The following HERC6 variants were observed in gnomAD, a reference collection of about 807,000 sequenced individuals.
The protein encoded by HERC6 is HECT and RLD domain containing E3 ubiquitin protein ligase family member 6.
Under a neutral mutation model 114.5 loss-of-function variants are expected in HERC6, and 101 were observed. The ratio of observed to expected loss-of-function variants is 0.88; its 90% confidence interval spans 0.75 to 1.04. HERC6 has a LOEUF of 1.04. HERC6 is among the 50% of genes least tolerant of loss of function. The pLI is 0.00. For synonymous variants in HERC6, 408 were observed against 436.2 expected, an observed-to-expected ratio of 0.94 and a Z score of 0.81; for missense variants, 1,133 against 1,230.9, an observed-to-expected ratio of 0.92 and a Z score of 1.19.
At chr4:88,380,607 C>T (rs1734267096) in intron 1 of HERC6, among the ~76,000 whole-genome samples, 1 of 148,044 alleles carries the variant, frequency 6.8e-6, no homozygotes, top group Admixed American at 6.9e-5. Flanking sequence ...GTCCCAGCTA[C>T]TTGGGAGGCT....
In HERC6 at chr4:88,385,455, G is replaced by A. The variant is rs1175271644; in HGVS notation, c.360-44G>A. 7.6e-6 allele frequency: 7 copies of A among 922,620 alleles called. 1 individual carries two copies. Among genetic ancestry groups the A allele is most frequent in the Middle Eastern group, 5.1e-4 (2 of 3,932 alleles). 57.2% of individuals were successfully genotyped at this position (922,620 alleles called of 1,614,324 possible). ...ATATCTGTAGTCCACCGGACAACTC[G>A]CTCTAAATAAGGATTAATCAATTTT... On this transcript the variant is annotated intron_variant, in intron 2 of 22. Coordinates refer to ENST00000264346, the MANE Select transcript of HERC6 (RefSeq NM_017912.4).
chr4:88,380,364 A>AATATATAAATATATATATAT, intron 1 of HERC6, among the ~76,000 whole-genome samples: 1 of 29,246 alleles, frequency 3.4e-5, no homozygotes, highest in South Asian at 9.4e-4. Flanking sequence ...ATATATATAT[A>AATATATAAATATATATATAT]ATATATAAAT....
chr4:88,391,766 C>T (rs1241731383), intron 4 of HERC6, among the ~76,000 whole-genome samples: 2 of 152,164 alleles, frequency 1.3e-5, no homozygotes, highest in Non-Finnish European at 1.5e-5. Context: ...ACACAAAACT[C>T]GTCAAGATGT....
rs116022157 is a variant in HERC6, at chr4:88,379,186, C to A, written c.199+66C>A. 847 of 1,285,638 alleles carry A rather than the reference C, an allele frequency of 6.6e-4. 6 individuals carry two copies. The African/African-American group carries it at 0.012, about 18-fold the overall frequency. The allele number at this position is 1,285,638 out of a possible 1,614,324, so 79.6% of individuals were successfully genotyped here. A position where few individuals can be genotyped will look rare whatever the true frequency, so the allele number is the denominator to read the frequency against. ...TACATGGGCGCGGGGGCTTGGGTACCGGGCGCAGGGAACCGGGTGCGGAGC... is the reference window on the plus strand; with the variant it reads ...TACATGGGCGCGGGGGCTTGGGTACAGGGCGCAGGGAACCGGGTGCGGAGC... On this transcript the variant is annotated intron_variant, in intron 1 of 22. Coordinates refer to ENST00000264346, the MANE Select transcript of HERC6 (RefSeq NM_017912.4).
chr4:88,440,409 A>T, intron 22 of HERC6, 159 bp downstream of exon 22: 1 of 599,462 alleles, frequency 1.7e-6, no homozygotes. Flanking sequence ...ACACACACAA[A>T]GGGTGAGGTA....
In HERC6 at chr4:88,435,769, T is replaced by C; in HGVS notation, c.2295T>C (p.Cys765=). ...KKRYFLFGML[C]GLSLFNLNVA... is the part of the protein sequence containing the mutation. ...GATATTTCCTCTTTGGAATGCTGTG[T>C]GGACTCTCCTTATTCAATTTAAATG... The change falls in exon 18 of 23, where the codon TGT becomes TGC. Residue 765 remains cysteine, a synonymous_variant. Coordinates refer to ENST00000264346, the MANE Select transcript of HERC6 (RefSeq NM_017912.4). The C allele has an allele frequency of 6.2e-7, 1 of 1,606,548 alleles. No individual in the cohort carries two copies. The highest frequency in any genetic ancestry group is 8.5e-7 in the Non-Finnish European group (1 of 1,175,920).
rs575666077 is a variant in HERC6 at position 88,421,709 on chromosome 4, G to A, written c.1714-2151G>A. 1.2e-4 allele frequency among the ~76,000 whole-genome samples: 19 copies of A among 152,220 alleles called. No homozygotes were observed. The South Asian group carries it at 2.9e-3, about 23-fold the overall frequency. On this transcript the variant is annotated intron_variant, in intron 13 of 22. Coordinates refer to ENST00000264346, the MANE Select transcript of HERC6 (RefSeq NM_017912.4). ...AATCCACCCACCTCAGTCTTTCAAA[G>A]TGCTAGGATTACAGGCATAAGCCAC...
intron 4 of HERC6, among the ~76,000 whole-genome samples, chr4:88,392,793 C>T (rs1233713202): frequency 6.6e-6 from 1 of 152,134 alleles, no homozygotes; most frequent in East Asian, 1.9e-4. Flanking sequence ...GGCAGCCTTG[C>T]AGTCAGGGTG....
Position 88,437,782 on chromosome 4 carries a change from G to GT in HERC6, c.2555+2dup, listed in dbSNP as rs1217862112. 1 of 1,595,466 alleles carries GT rather than the reference G, an allele frequency of 6.3e-7. No homozygotes were observed. Among genetic ancestry groups the GT allele is most frequent in the Non-Finnish European group, 8.6e-7 (1 of 1,166,386 alleles). ...CCATACCTGTGGACCAAACCAACAA[G>GT]TAAGTTTTGACAGCTAGAATATCTG... On this transcript the variant is annotated splice_donor_variant, in intron 20 of 22. Transcript: ENST00000264346. LOFTEE classifies it high-confidence loss of function.
Position 88,383,289 on chromosome 4 carries a change from G to A in HERC6, c.268G>A (p.Val90Met). 1 of 1,600,084 alleles carries A rather than the reference G, an allele frequency of 6.2e-7. No individual in the cohort carries two copies. Among genetic ancestry groups the A allele is most frequent in the Non-Finnish European group, 8.5e-7 (1 of 1,173,388 alleles). The change falls in exon 2 of 23, where the codon GTG becomes ATG. Residue 90 changes from valine to methionine, a missense_variant. Val to Met is a conservative substitution (Grantham distance 21). This residue lies in a region of HERC6 where 735 missense variants were observed against 754.0 expected (regional missense o/e 0.97). Transcript: ENST00000264346. ...CTGCGGGAAGGAGCACTCCCTGGCT[G>A]TGTGCCACAAAGGAAGGGTCTTCGC... is the stretch of plus-strand genomic sequence containing the variant. ...VSCGKEHSLA[V>M]CHKGRVFAWG...
intron 4 of HERC6, 25 bp from the exon 5 acceptor site, chr4:88,393,463 T>C (rs1247110020): frequency 6.8e-7 from 1 of 1,461,174 alleles, no homozygotes; most frequent in Admixed American, 1.7e-5. Flanking sequence ...TCTTATACTC[T>C]AGAGATTCTG....
At position 88,397,408 on chromosome 4, in the gene HERC6, GGCTGTACATATATA is replaced by G. The variant is rs1735301481; in HGVS notation, c.1024+422_1024+435del. 5.3e-5 allele frequency among the ~76,000 whole-genome samples: 8 copies of G among 152,138 alleles called. No individual in the cohort carries two copies. In the South Asian group the frequency reaches 1.5e-3, roughly 28 times the overall value. ...ATTACAGGCATGAGCCACCGCGCCT[GGCTGTACATATATA>G]TATGGTGCATTTTTTTCTTATGCAG... On this transcript the variant is annotated intron_variant, in intron 7 of 22. Transcript: ENST00000264346.
At chr4:88,380,883 T>C (rs1365318308) in intron 1 of HERC6, among the ~76,000 whole-genome samples, 1 of 152,192 alleles carries the variant, frequency 6.6e-6, no homozygotes, top group East Asian at 1.9e-4. Flanking sequence ...TCTATGTACA[T>C]ATTTAATCTT....
chr4:88,386,064 AT>A (rs1734558867), intron 3 of HERC6, among the ~76,000 whole-genome samples: 1 of 151,978 alleles, frequency 6.6e-6, no homozygotes, highest in Non-Finnish European at 1.5e-5. Flanking sequence ...CTCAATCCAA[AT>A]TTCTCAATGG....
chr4:88,389,140 C>T (rs1029468456), intron 3 of HERC6, among the ~76,000 whole-genome samples: 22 of 151,980 alleles, frequency 1.4e-4, no homozygotes, highest in Non-Finnish European at 1.5e-5. Flanking sequence ...AAGAATTACC[C>T]AGACACAAAG....
rs567304046 is a variant in HERC6 at position 88,407,678 on chromosome 4, T to G, written c.1275-846T>G. On this transcript the variant is annotated intron_variant, in intron 10 of 22. Transcript: ENST00000264346. Reference sequence around the variant, plus strand: ...CTCCCACTTTGGTCTCCCAAAGTGTTGGAATTACAGGCATGACCCACTGCC... The same window carrying G: ...CTCCCACTTTGGTCTCCCAAAGTGTGGGAATTACAGGCATGACCCACTGCC... Among the ~76,000 whole-genome samples the G allele has an allele frequency of 3.3e-5, 5 of 152,250 alleles. No homozygotes were observed. The East Asian group carries it at 9.7e-4, about 29-fold the overall frequency.
chr4:88,404,856 T>G lies in HERC6; in HGVS notation c.1093-20T>G. ...ACGTGTGTGTGTTCCTGATCATTCT[T>G]GTTTCTTCCTTCCCTGAAGGATACT... is the stretch of plus-strand genomic sequence containing the variant. On this transcript the variant is annotated intron_variant, in intron 8 of 22. Coordinates refer to ENST00000264346, the MANE Select transcript of HERC6 (RefSeq NM_017912.4). 6.2e-7 allele frequency: 1 copy of G among 1,611,876 alleles called. No individual in the cohort carries two copies. The highest frequency in any genetic ancestry group is 8.5e-7 in the Non-Finnish European group (1 of 1,178,674).
At chr4:88,393,804 G>A (rs542411147) in intron 5 of HERC6, among the ~76,000 whole-genome samples, 3 of 152,272 alleles carry the variant, frequency 2.0e-5, no homozygotes, top group South Asian at 2.1e-4. Context: ...GTCTGATGAG[G>A]GCCAAACTTC....
intron 11 of HERC6, among the ~76,000 whole-genome samples, chr4:88,409,446 T>C (rs1262592658): frequency 2.0e-5 from 3 of 152,236 alleles, no homozygotes; most frequent in African/African-American, 7.2e-5. Flanking sequence ...GTGTTCATTA[T>C]GAAATTACTA....
Sources: allele counts gnomAD v4.1 joint callset (sites outside exome capture counted in the v4.1 genomes callset), GRCh38; gene constraint gnomAD v4.1.1; regional missense constraint gnomAD v4.1.1; transcripts MANE v1.5; gene names NCBI Gene and HGNC (gene_info 2026-07-23, HGNC 2026-07-21).